ABCA12: variants seen among roughly 807,000 people sequenced by gnomAD.
ABCA12 encodes the protein ATP binding cassette subfamily A member 12.
A neutral mutation model predicts 293.5 loss-of-function variants in ABCA12; 156 were observed. That is an observed-to-expected ratio of 0.53 (90% CI 0.47 to 0.61). The LOEUF (loss-of-function observed/expected upper bound fraction) is 0.61. Among genes scored for constraint, ABCA12 ranks in the 20% least tolerant of loss-of-function variants. The pLI is 0.00. For synonymous variants in ABCA12, 1,063 were observed against 1,108.0 expected, an observed-to-expected ratio of 0.96 and a Z score of 0.81; for missense variants, 2,797 against 3,090.2, an observed-to-expected ratio of 0.91 and a Z score of 2.25.
intron 3 of ABCA12, among the ~76,000 whole-genome samples, chr2:215,061,429 G>T (rs1244288610): frequency 6.6e-6 from 1 of 152,016 alleles, no homozygotes; most frequent in Non-Finnish European, 1.5e-5. Flanking sequence ...GAGACCAAAG[G>T]TGGCATTTTT....
chr2:215,053,685 T>A (rs926974197), intron 4 of ABCA12, among the ~76,000 whole-genome samples: 5 of 151,986 alleles, frequency 3.3e-5, no homozygotes, highest in African/African-American at 1.2e-4. Flanking sequence ...TTGAATATCA[T>A]AAAGTCTTAA....
At chr2:215,039,029 T>A (rs1701044623) in intron 7 of ABCA12, 1 of 152,214 alleles carries the variant, frequency 6.6e-6, no homozygotes, top group Non-Finnish European at 1.5e-5. Flanking sequence ...AACAGGTTGC[T>A]CTCTGAGTAA....
intron 7 of ABCA12, among the ~76,000 whole-genome samples, chr2:215,040,982 G>A (rs1328166522): frequency 6.6e-6 from 1 of 152,058 alleles, no homozygotes; most frequent in Admixed American, 6.5e-5. Flanking sequence ...CGTGCAACCT[G>A]CAGGCCAAAT....
chr2:214,981,969 A>T (rs1466317384), intron 30 of ABCA12, among the ~76,000 whole-genome samples: 4,158 of 116,016 alleles, frequency 0.036, 145 homozygotes, highest in Middle Eastern at 0.088. Context: ...TATTATTATT[A>T]TTATTATTAT....
chr2:215,064,627 CATT>C (rs1369274303), intron 2 of ABCA12, among the ~76,000 whole-genome samples: 1 of 151,718 alleles, frequency 6.6e-6, no homozygotes, highest in Non-Finnish European at 1.5e-5. Flanking sequence ...GTTTATGACA[CATT>C]GTTAGTTTAA....
At chr2:214,999,789 T>A (rs1700103320) in intron 22 of ABCA12, 1 of 984,604 alleles carries the variant, frequency 1.0e-6, no homozygotes. Flanking sequence ...ACTCCTTACC[T>A]GCTTCCTCAT....
At chr2:214,982,683 G>T (rs575264637) in intron 29 of ABCA12, among the ~76,000 whole-genome samples, 1 of 152,008 alleles carries the variant, frequency 6.6e-6, no homozygotes, top group Non-Finnish European at 1.5e-5. Context: ...CAAATATCTA[G>T]AGAGTTCCTA....
chr2:215,094,085 C>T (rs912101336), intron 2 of ABCA12, among the ~76,000 whole-genome samples: 4 of 152,158 alleles, frequency 2.6e-5, no homozygotes, highest in African/African-American at 9.7e-5. Flanking sequence ...TGTGTTAACT[C>T]AGGCCCTCAC....
At chr2:215,070,042 A>C (rs901159964) in intron 2 of ABCA12, among the ~76,000 whole-genome samples, 9 of 152,254 alleles carry the variant, frequency 5.9e-5, no homozygotes, top group Non-Finnish European at 1.2e-4. Context: ...CGTTATGTTT[A>C]TCGTTTGTAG....
chr2:215,089,213 C>G (rs1466016495), intron 2 of ABCA12, among the ~76,000 whole-genome samples: 1 of 150,380 alleles, frequency 6.6e-6, no homozygotes, highest in Non-Finnish European at 1.5e-5. Flanking sequence ...TTTTCCCAGG[C>G]CTTATTTATG....
rs1188833278 is a variant in ABCA12, at chr2:215,113,812, T to A, written c.70-2122A>T. Reference sequence around the variant, plus strand: ...GTGTTATTAGAAGAACCTGTGACTTTGTCACTAATAGAAATTATGGATATT... The same window carrying A: ...GTGTTATTAGAAGAACCTGTGACTTAGTCACTAATAGAAATTATGGATATT... On this transcript the variant is annotated intron_variant, in intron 1 of 52. Transcript: ENST00000272895. 5.3e-5 allele frequency among the ~76,000 whole-genome samples: 8 copies of A among 152,222 alleles called. No individual in the cohort carries two copies. The East Asian group carries it at 1.5e-3, about 29-fold the overall frequency.
intron 31 of ABCA12, 89 bp downstream of exon 31, chr2:214,980,394 A>G: frequency 1.3e-6 from 2 of 1,536,788 alleles, no homozygotes; most frequent in Non-Finnish European, 1.8e-6. Context: ...GAATTTTAGC[A>G]ATGAATAAAG....
At position 214,973,990 on chromosome 2, in the gene ABCA12, T is replaced by C. The variant is rs141427138; in HGVS notation, c.5521A>G (p.Ile1841Val). The C allele has an allele frequency of 6.2e-7, 1 of 1,613,946 alleles. No homozygotes were observed. Among genetic ancestry groups the C allele is most frequent in the African/African-American group, 1.3e-5 (1 of 74,926 alleles). Residue 1841 changes from isoleucine (I) to valine (V), a missense_variant, in exon 36 of 53, where the codon ATC (isoleucine) becomes GTC (valine). Physicochemically the swap from Ile to Val is conservative, Grantham distance 29. This residue lies in a region of ABCA12 where 2,130 missense variants were observed against 2,427.0 expected (regional missense o/e 0.88). Transcript: ENST00000272895. ...LEKWNTSGEPITNFGVCSCSE... is the reference protein window; with the variant it reads ...LEKWNTSGEPVTNFGVCSCSE... ...CAGGAGCAAACACCAAAATTAGTGA[T>C]GGGTTCTCCACTGGTGTTCCATTTT...
intron 48 of ABCA12, among the ~76,000 whole-genome samples, chr2:214,947,109 T>C (rs1243955447): frequency 1.3e-5 from 2 of 152,194 alleles, no homozygotes; most frequent in African/African-American, 4.8e-5. Flanking sequence ...GCTACCATAT[T>C]CCGTAACTTA....
At position 214,949,009 on chromosome 2, in the gene ABCA12, C is replaced by G. The variant is rs374789014; in HGVS notation, c.6962+31G>C. The G allele has an allele frequency of 2.9e-4, 443 of 1,529,792 alleles. 6 individuals are homozygous for G. In the South Asian group the frequency reaches 4.7e-3, roughly 16 times the overall value. The allele number at this position is 1,529,792 out of a possible 1,614,324, so 94.8% of individuals were successfully genotyped here. ...ATTTTTCTCATTTAAGTATGTTGTA[C>G]TCGCTAAATTGAAGCATTAGTTTTT... On this transcript the variant is annotated intron_variant, in intron 46 of 52. Coordinates refer to ENST00000272895, the MANE Select transcript of ABCA12 (RefSeq NM_173076.3).
At chr2:215,102,414 C>A (rs1468196467) in intron 2 of ABCA12, among the ~76,000 whole-genome samples, 1 of 152,122 alleles carries the variant, frequency 6.6e-6, no homozygotes, top group Non-Finnish European at 1.5e-5. Flanking sequence ...GCCTGGCCAA[C>A]ATGGTGAAAC....
chr2:215,093,849 A>T (rs984833360), intron 2 of ABCA12, among the ~76,000 whole-genome samples: 6 of 151,922 alleles, frequency 3.9e-5, no homozygotes. Flanking sequence ...ACCACACCTG[A>T]CCCCCATGAC....
rs1436530972 is a variant in ABCA12 at position 215,001,717 on chromosome 2, C to T, written c.2704G>A (p.Glu902Lys). ...TGATCGATGATGTCAATGTTGTTCT[C>T]TAATTTCAGTCTTAGAATATCTAAA... ...DELDILRLKL[E>K]NNIDIIDQLN... The change falls in exon 21 of 53, where the codon GAG (glutamate) becomes AAG (lysine). Residue 902 changes from glutamate (E) to lysine (K), a missense_variant. By Grantham distance (56) the Glu-to-Lys change is moderately conservative. This residue lies in a region of ABCA12 where 2,130 missense variants were observed against 2,427.0 expected (regional missense o/e 0.88). Transcript: ENST00000272895. 3.1e-6 allele frequency: 5 copies of T among 1,613,152 alleles called. No individual in the cohort carries two copies. In the South Asian group the frequency reaches 4.4e-5, roughly 14 times the overall value.
intron 1 of ABCA12, among the ~76,000 whole-genome samples, chr2:215,133,927 A>G (rs1410438765): frequency 6.6e-6 from 1 of 152,168 alleles, no homozygotes; most frequent in African/African-American, 2.4e-5. Flanking sequence ...TCATGCTTGA[A>G]GAAATCTGAC....
Sources: gnomAD v4.1 joint callset for allele counts (sites outside exome capture counted in the v4.1 genomes callset) on GRCh38, gnomAD v4.1.1 for gene constraint, gnomAD v4.1.1 regional missense constraint, MANE v1.5 for transcripts, NCBI Gene and HGNC (gene_info 2026-07-23, HGNC 2026-07-21) for gene names.